The following SPTLC2 variants were observed in gnomAD, a reference collection of about 807,000 sequenced individuals.
SPTLC2 encodes serine palmitoyltransferase 2.
Under a neutral mutation model 62.0 loss-of-function variants are expected in SPTLC2, and 21 were observed. That is an observed-to-expected ratio of 0.34 (90% CI 0.24 to 0.49). The LOEUF (loss-of-function observed/expected upper bound fraction) is 0.49, where lower values mean the gene tolerates loss of function less well. Ranked by LOEUF, SPTLC2 falls within the 20% of genes least tolerant of loss-of-function variation. SPTLC2 has a pLI of 0.99. For missense variants in SPTLC2, 511 were observed against 713.0 expected, an observed-to-expected ratio of 0.72 and a Z score of 3.23; for synonymous variants, 261 against 261.8, an observed-to-expected ratio of 1.00 and a Z score of 0.03.
intron 1 of SPTLC2, among the ~76,000 whole-genome samples, chr14:77,610,764 G>A (rs1157145075): frequency 6.6e-6 from 1 of 151,868 alleles, no homozygotes; most frequent in African/African-American, 2.4e-5. Context: ...CAGCCTGGGT[G>A]GCTGGGTGCG....
chr14:77,573,061 C>T (rs969699399), intron 4 of SPTLC2, among the ~76,000 whole-genome samples: 4 of 152,274 alleles, frequency 2.6e-5, no homozygotes, highest in Admixed American at 2.6e-4. Context: ...CACAACTTGG[C>T]TAATTGCTTG....
intron 9 of SPTLC2, among the ~76,000 whole-genome samples, chr14:77,546,204 T>C (rs986825127): frequency 4.6e-5 from 7 of 152,336 alleles, no homozygotes; most frequent in African/African-American, 1.7e-4. Context: ...TGAGAAAACT[T>C]GTTCCATACA....
chr14:77,608,252 T>C (rs984276633), intron 1 of SPTLC2, among the ~76,000 whole-genome samples: 2 of 152,202 alleles, frequency 1.3e-5, no homozygotes, highest in African/African-American at 2.4e-5. Context: ...CTTGCAAACC[T>C]GATACACTAT....
chr14:77,546,458 T>G (rs778668719), intron 9 of SPTLC2, among the ~76,000 whole-genome samples: 2 of 152,164 alleles, frequency 1.3e-5, no homozygotes, highest in Non-Finnish European at 2.9e-5. Flanking sequence ...ACTTAGCTGG[T>G]TTAAGGAAGT....
intron 10 of SPTLC2, among the ~76,000 whole-genome samples, chr14:77,521,119 G>A (rs1449136225): frequency 6.6e-6 from 1 of 151,924 alleles, no homozygotes; most frequent in African/African-American, 2.4e-5. Context: ...TTCTAACATC[G>A]TACACAGTTC....
At chr14:77,607,458 C>T (rs2079911223) in intron 1 of SPTLC2, among the ~76,000 whole-genome samples, 1 of 152,154 alleles carries the variant, frequency 6.6e-6, no homozygotes, top group Non-Finnish European at 1.5e-5. Flanking sequence ...ATACATTTTC[C>T]ATTTGCCATT....
intron 5 of SPTLC2, among the ~76,000 whole-genome samples, chr14:77,569,917 A>G (rs11622277): frequency 0.57 from 78,953 of 138,994 alleles, 23,354 homozygotes; most frequent in East Asian, 0.91. Flanking sequence ...CACCTGCCTC[A>G]GCCTCCCAAA....
chr14:77,546,624 T>A (rs1445286052), intron 9 of SPTLC2, among the ~76,000 whole-genome samples: 1 of 152,148 alleles, frequency 6.6e-6, no homozygotes, highest in African/African-American at 2.4e-5. Context: ...CTGGACTGTT[T>A]TTTCAAAGGC....
chr14:77,566,227 G>T (rs1286585253), intron 5 of SPTLC2, among the ~76,000 whole-genome samples: 1 of 152,022 alleles, frequency 6.6e-6, no homozygotes, highest in African/African-American at 2.4e-5. Flanking sequence ...GTATCAATCT[G>T]TCTTTTTCCC....
intron 5 of SPTLC2, among the ~76,000 whole-genome samples, chr14:77,568,405 T>C (rs1326925531): frequency 6.6e-6 from 1 of 152,208 alleles, no homozygotes; most frequent in East Asian, 1.9e-4. Context: ...TGTTTTGCTG[T>C]TGTTGAGTGA....
intron 3 of SPTLC2, among the ~76,000 whole-genome samples, chr14:77,578,228 A>G (rs1304539903): frequency 1.3e-5 from 2 of 152,228 alleles, no homozygotes; most frequent in Non-Finnish European, 2.9e-5. Flanking sequence ...CATGTAAGTA[A>G]AAACACTCTA....
intron 2 of SPTLC2, among the ~76,000 whole-genome samples, chr14:77,591,776 T>G (rs1049222251): frequency 5.9e-5 from 9 of 152,050 alleles, no homozygotes; most frequent in Non-Finnish European, 1.2e-4. Flanking sequence ...CAGGCTGGAG[T>G]GCAATGGTGT....
intron 9 of SPTLC2, among the ~76,000 whole-genome samples, chr14:77,542,560 G>A (rs1294677325): frequency 6.6e-6 from 1 of 152,134 alleles, no homozygotes; most frequent in Non-Finnish European, 1.5e-5. Context: ...CCATCTCCAA[G>A]ACACAACCCC....
chr14:77,612,703 T>C lies in SPTLC2; in HGVS notation c.132+3745A>G, dbSNP rs1338135655. On this transcript the variant is annotated intron_variant, in intron 1 of 11. Coordinates refer to ENST00000216484, the MANE Select transcript of SPTLC2 (RefSeq NM_004863.4). Reference sequence around the variant, plus strand: ...CTCCCTCAGTGGAAACAAAAGCTAGTAGCTATTTAGTAAACCAGCTTTATT... The same window carrying C: ...CTCCCTCAGTGGAAACAAAAGCTAGCAGCTATTTAGTAAACCAGCTTTATT... 2.6e-5 allele frequency among the ~76,000 whole-genome samples: 4 copies of C among 152,242 alleles called. No individual in the cohort carries two copies. In the East Asian group the frequency reaches 7.7e-4, roughly 29 times the overall value.
chr14:77,578,320 A>C (rs1012637207), intron 3 of SPTLC2, among the ~76,000 whole-genome samples: 7 of 152,030 alleles, frequency 4.6e-5, no homozygotes, highest in African/African-American at 1.7e-4. Flanking sequence ...GGCATAATGG[A>C]AAGGATAGCT....
intron 4 of SPTLC2, among the ~76,000 whole-genome samples, chr14:77,573,591 G>A (rs1263971353): frequency 1.3e-5 from 2 of 152,174 alleles, no homozygotes; most frequent in African/African-American, 4.8e-5. Flanking sequence ...TTTGGACACA[G>A]TGATAGACAT....
At chr14:77,540,354 A>C (rs1436840623) in intron 9 of SPTLC2, among the ~76,000 whole-genome samples, 2 of 152,230 alleles carry the variant, frequency 1.3e-5, no homozygotes, top group African/African-American at 2.4e-5. Context: ...AATAAATTTA[A>C]CACCACATTC....
At chr14:77,555,015 C>T (rs554603885) in intron 8 of SPTLC2, 173 of 421,024 alleles carry the variant, frequency 4.1e-4, no homozygotes, top group Non-Finnish European at 6.4e-4. Flanking sequence ...AAGGCTGGGG[C>T]GGGCAGGGAG....
chr14:77,605,180 AT>A (rs111975578), intron 1 of SPTLC2, among the ~76,000 whole-genome samples: 719 of 142,442 alleles, frequency 5.0e-3, no homozygotes, highest in Admixed American at 5.2e-3. Context: ...TACCTGGTTA[AT>A]TTTTTTTTTT....
Sources: allele counts gnomAD v4.1 joint callset (sites outside exome capture counted in the v4.1 genomes callset), GRCh38; gene constraint gnomAD v4.1.1; transcripts MANE v1.5; gene names NCBI Gene and HGNC (gene_info 2026-07-23, HGNC 2026-07-21).